The following OSBPL10 variants were observed in gnomAD, a reference collection of about 807,000 sequenced individuals.
The protein encoded by OSBPL10 is oxysterol-binding protein-related protein 10.
In OSBPL10, 49 loss-of-function variants were observed where a neutral mutation model predicts 81.7. That is an observed-to-expected ratio of 0.60 (90% CI 0.48 to 0.76). The LOEUF (loss-of-function observed/expected upper bound fraction) is 0.76, where lower values mean the gene tolerates loss of function less well. OSBPL10 is among the 30% of genes least tolerant of loss of function. The pLI, the probability that OSBPL10 is intolerant of heterozygous loss-of-function variation, is 0.00. For missense variants in OSBPL10, 923 were observed against 987.8 expected, an observed-to-expected ratio of 0.93 and a Z score of 0.88; for synonymous variants, 419 against 383.6, an observed-to-expected ratio of 1.09 and a Z score of -1.08.
chr3:31,946,575 T>C (rs1246773410), intron 1 of OSBPL10, among the ~76,000 whole-genome samples: 1 of 152,080 alleles, frequency 6.6e-6, no homozygotes, highest in Non-Finnish European at 1.5e-5. Context: ...AACAGAGCAA[T>C]TGCGGGAGGC....
intron 1 of OSBPL10, among the ~76,000 whole-genome samples, chr3:31,887,994 C>A (rs73061453): frequency 0.037 from 5,641 of 152,182 alleles, 160 homozygotes; most frequent in South Asian, 0.13. Context: ...AGAGGGTCCT[C>A]AGGCTCATCA....
rs760124987 is a variant in OSBPL10 at position 31,866,620 on chromosome 3, C to T, written c.537+9813G>A. ...GGGAGTATAGACGCCATGACAAAGG[C>T]GGGGGAGGAGAGTTAGGGTATATCA... On this transcript the variant is annotated intron_variant, in intron 3 of 11. Coordinates refer to ENST00000396556, the MANE Select transcript of OSBPL10 (RefSeq NM_017784.5). Among the ~76,000 whole-genome samples the T allele has an allele frequency of 3.3e-5, 5 of 152,168 alleles. No individual in the cohort carries two copies. The East Asian group carries it at 9.7e-4, about 29-fold the overall frequency.
intron 3 of OSBPL10, among the ~76,000 whole-genome samples, chr3:31,847,437 C>T (rs528279424): frequency 5.8e-4 from 88 of 152,258 alleles, no homozygotes; most frequent in African/African-American, 2.0e-3. Context: ...GATCCACCCA[C>T]CTTGGCCTCC....
At chr3:32,076,000 A>T (rs1372655506) in intron 1 of OSBPL10, among the ~76,000 whole-genome samples, 1 of 152,076 alleles carries the variant, frequency 6.6e-6, no homozygotes, top group African/African-American at 2.4e-5. Flanking sequence ...CATCCTTGAG[A>T]ATGTACTTTG....
intron 1 of OSBPL10, among the ~76,000 whole-genome samples, chr3:31,915,407 TATATCATGGA>T (rs2125698597): frequency 6.6e-6 from 1 of 152,258 alleles, no homozygotes; most frequent in African/African-American, 2.4e-5. Context: ...GTGGTACACA[TATATCATGGA>T]ATACTACCCA....
At chr3:31,930,699 A>G (rs190776408) in intron 1 of OSBPL10, among the ~76,000 whole-genome samples, 1 of 152,256 alleles carries the variant, frequency 6.6e-6, no homozygotes, top group East Asian at 1.9e-4. Flanking sequence ...TAAGTGAAAA[A>G]TAAATTGCTA....
intron 4 of OSBPL10, among the ~76,000 whole-genome samples, chr3:31,811,440 C>G (rs1699678886): frequency 6.6e-6 from 1 of 152,176 alleles, no homozygotes; most frequent in South Asian, 2.1e-4. Flanking sequence ...GCAGGTAAAG[C>G]CTTTGTAATT....
rs1699371467 is a variant in OSBPL10, at chr3:32,022,697, G to A, written n.298+23794C>T. ...GGAGGCTGAGGTGGGAGGATCACTT[G>A]AGCCCGGGAGGCAGAGGTTGCAGTG... is the stretch of plus-strand genomic sequence containing the variant. On this transcript the variant is annotated intron_variant and non_coding_transcript_variant, in intron 2 of 3. Transcript: ENST00000479173. Among the ~76,000 whole-genome samples the A allele has an allele frequency of 2.0e-5, 3 of 152,230 alleles. 1 individual carries two copies. The South Asian group carries it at 6.2e-4, about 32-fold the overall frequency.
intron 3 of OSBPL10, among the ~76,000 whole-genome samples, chr3:31,839,595 A>C (rs1347714080): frequency 2.0e-5 from 3 of 152,130 alleles, no homozygotes; most frequent in Non-Finnish European, 4.4e-5. Context: ...ACATTTGATT[A>C]AAGATGTCAA....
intron 1 of OSBPL10, among the ~76,000 whole-genome samples, chr3:31,952,632 G>A (rs962208920): frequency 5.3e-5 from 8 of 152,136 alleles, no homozygotes; most frequent in African/African-American, 1.7e-4. Context: ...CCATTCACAC[G>A]AAAGGATCAG....
In OSBPL10 at chr3:31,692,388, T is replaced by C. The variant is rs142313773; in HGVS notation, c.1246-8274A>G. Among the ~76,000 whole-genome samples, 311 of 152,280 alleles carry C rather than the reference T, an allele frequency of 2.0e-3. 2 individuals are homozygous for C. The highest frequency in any genetic ancestry group is 7.1e-3 in the African/African-American group (297 of 41,562). On this transcript the variant is annotated intron_variant, in intron 7 of 11. Transcript: ENST00000396556. ...ACGCTCATTCTTTGCTGGCTCAGAT[T>C]ATAGACCCCTATAATCAGGAATCAG...
At chr3:31,795,063 C>T (rs1166096088) in intron 4 of OSBPL10, 1 of 187,338 alleles carries the variant, frequency 5.3e-6, no homozygotes, top group Middle Eastern at 8.9e-4. Flanking sequence ...AGAAGACAAA[C>T]ACTGAAACTA....
chr3:31,985,402 G>A (rs992884094), upstream of OSBPL10, among the ~76,000 whole-genome samples: 14 of 152,158 alleles, frequency 9.2e-5, no homozygotes, highest in African/African-American at 3.1e-4. Flanking sequence ...AAAGATTTTG[G>A]GAATGAAGCT....
At chr3:32,031,935 C>T (rs1007694995) in intron 2 of OSBPL10, among the ~76,000 whole-genome samples, 10 of 152,074 alleles carry the variant, frequency 6.6e-5, no homozygotes, top group Middle Eastern at 3.2e-3. Flanking sequence ...TAGAATATTT[C>T]GGAATTAAAC....
intron 3 of OSBPL10, 57 bp from the exon 4 acceptor site, chr3:31,830,288 T>C: frequency 6.6e-7 from 1 of 1,508,502 alleles, no homozygotes; most frequent in Non-Finnish European, 9.0e-7. Flanking sequence ...CACAACTAAG[T>C]GTTGGCTTCT....
chr3:31,872,797 A>G (rs1575593412), intron 3 of OSBPL10, among the ~76,000 whole-genome samples: 1 of 151,946 alleles, frequency 6.6e-6, no homozygotes. Flanking sequence ...AATTTTTTTC[A>G]TATTTTTTTG....
At chr3:31,840,665 G>C (rs1303190074) in intron 3 of OSBPL10, among the ~76,000 whole-genome samples, 1 of 152,194 alleles carries the variant, frequency 6.6e-6, no homozygotes, top group Non-Finnish European at 1.5e-5. Flanking sequence ...TATAAGTCGT[G>C]CGTCCATGAG....
At chr3:32,041,452 A>G (rs1699574419) in intron 2 of OSBPL10, among the ~76,000 whole-genome samples, 1 of 152,086 alleles carries the variant, frequency 6.6e-6, no homozygotes. Flanking sequence ...GGCCAGCTGG[A>G]AACACCCCGT....
chr3:31,711,627 T>C (rs917639024), intron 6 of OSBPL10, among the ~76,000 whole-genome samples: 5 of 152,094 alleles, frequency 3.3e-5, no homozygotes, highest in African/African-American at 1.2e-4. Context: ...AGGCCAGGTG[T>C]TGTGATTCCA....
Sources: gnomAD v4.1 joint callset for allele counts (sites outside exome capture counted in the v4.1 genomes callset) on GRCh38, gnomAD v4.1.1 for gene constraint, MANE v1.5 for transcripts, NCBI Gene and HGNC (gene_info 2026-07-23, HGNC 2026-07-21) for gene names.